The following CACNA1E variants were observed in gnomAD, a reference collection of about 807,000 sequenced individuals.
The protein encoded by CACNA1E is calcium voltage-gated channel subunit alpha1 E.
A neutral mutation model predicts 259.2 loss-of-function variants in CACNA1E; 40 were observed. The ratio of observed to expected loss-of-function variants is 0.15; its 90% confidence interval spans 0.12 to 0.20. The LOEUF (loss-of-function observed/expected upper bound fraction) is 0.20. Among genes scored for constraint, CACNA1E ranks in the 10% least tolerant of loss-of-function variants. CACNA1E has a pLI of 1.00. For missense variants in CACNA1E, 1,874 were observed against 3,040.1 expected (o/e 0.62, Z 9.02); for synonymous variants, 1,104 against 1,138.5 (o/e 0.97, Z 0.61).
chr1:181,494,175 C>T (rs1043780183), intron 1 of CACNA1E, among the ~76,000 whole-genome samples: 1 of 152,204 alleles, frequency 6.6e-6, no homozygotes, highest in African/African-American at 2.4e-5. Context: ...TTTGTTGTAT[C>T]ACATACCACA....
intron 3 of CACNA1E, among the ~76,000 whole-genome samples, chr1:181,557,308 G>A (rs1648835626): frequency 6.6e-6 from 1 of 152,192 alleles, no homozygotes; most frequent in Non-Finnish European, 1.5e-5. Flanking sequence ...GGCTGCTGTG[G>A]AGCCTCTGCG....
intron 7 of CACNA1E, among the ~76,000 whole-genome samples, chr1:181,696,701 G>A (rs1185374582): frequency 6.6e-6 from 1 of 152,160 alleles, no homozygotes; most frequent in African/African-American, 2.4e-5. Context: ...ATGTAGACAC[G>A]TGTATGCACA....
At chr1:181,409,440 C>T (rs541068933) in intron 1 of CACNA1E, among the ~76,000 whole-genome samples, 2 of 152,218 alleles carry the variant, frequency 1.3e-5, no homozygotes, top group Non-Finnish European at 2.9e-5. Flanking sequence ...TACTGTGTGC[C>T]CAAGAAGGGG....
intron 6 of CACNA1E, among the ~76,000 whole-genome samples, chr1:181,598,837 C>T (rs769174426): frequency 5.3e-5 from 8 of 152,166 alleles, no homozygotes; most frequent in Non-Finnish European, 5.9e-5. Context: ...ACTTCACGCC[C>T]TTGCCTCCTC....
At chr1:181,319,938 T>A (rs1335322038) in intron 1 of CACNA1E, among the ~76,000 whole-genome samples, 1 of 152,248 alleles carries the variant, frequency 6.6e-6, no homozygotes, top group African/African-American at 2.4e-5. Flanking sequence ...TCCAATTACA[T>A]GAGTCCCTCT....
At chr1:181,723,321 A>G (rs1654579642) in intron 16 of CACNA1E, among the ~76,000 whole-genome samples, 1 of 152,184 alleles carries the variant, frequency 6.6e-6, no homozygotes, top group Non-Finnish European at 1.5e-5. Context: ...AGCTCCCTAC[A>G]CATCTCGTTC....
At chr1:181,484,969 C>T (rs1318540446) in intron 1 of CACNA1E, among the ~76,000 whole-genome samples, 4 of 152,258 alleles carry the variant, frequency 2.6e-5, no homozygotes, top group Non-Finnish European at 5.9e-5. Context: ...TAATCAAGTG[C>T]ACCAAATGCA....
chr1:181,737,081 C>G (rs1656112961), intron 22 of CACNA1E, among the ~76,000 whole-genome samples: 1 of 152,206 alleles, frequency 6.6e-6, no homozygotes, highest in Non-Finnish European at 1.5e-5. Flanking sequence ...ACCAGAATAA[C>G]CTGGGGCTCA....
At chr1:181,443,250 G>A (rs1397872859) in intron 2 of CACNA1E, among the ~76,000 whole-genome samples, 1 of 152,234 alleles carries the variant, frequency 6.6e-6, no homozygotes, top group Non-Finnish European at 1.5e-5. Context: ...CCAGATGAAA[G>A]TAAGGTGGTG....
chr1:181,323,238 G>C (rs1020931322), intron 1 of CACNA1E, among the ~76,000 whole-genome samples: 2 of 152,156 alleles, frequency 1.3e-5, no homozygotes, highest in African/African-American at 4.8e-5. Context: ...AAAGATGCAT[G>C]GTTCTTTCTC....
At position 181,362,323 on chromosome 1, in the gene CACNA1E, C is replaced by G. The variant is rs550089741; in HGVS notation, c.-15+44200C>G. On this transcript the variant is annotated intron_variant, in intron 1 of 11. Transcript: ENST00000524607. ...GTAGGTGCAGAAATGGAAGAATGGA[C>G]TGGTATGTGTGAGTCCTTTCTGCTG... 5.9e-5 allele frequency among the ~76,000 whole-genome samples: 9 copies of G among 152,120 alleles called. No individual in the cohort carries two copies. The South Asian group carries it at 1.9e-3, about 31-fold the overall frequency.
intron 3 of CACNA1E, among the ~76,000 whole-genome samples, chr1:181,558,239 G>T (rs1648945177): frequency 6.6e-6 from 1 of 152,194 alleles, no homozygotes; most frequent in African/African-American, 2.4e-5. Flanking sequence ...GCTGGGATGA[G>T]CTTCGCCCAG....
At chr1:181,739,618 G>A (rs1352890767) in intron 25 of CACNA1E, among the ~76,000 whole-genome samples, 1 of 152,170 alleles carries the variant, frequency 6.6e-6, no homozygotes, top group Non-Finnish European at 1.5e-5. Flanking sequence ...TCTTGAGTGT[G>A]TCAATCAAGG....
At chr1:181,365,106 T>C (rs779811245) in intron 1 of CACNA1E, among the ~76,000 whole-genome samples, 2 of 152,180 alleles carry the variant, frequency 1.3e-5, no homozygotes, top group Non-Finnish European at 2.9e-5. Flanking sequence ...TCCCAGTGAG[T>C]GTGCATGACT....
intron 1 of CACNA1E, among the ~76,000 whole-genome samples, chr1:181,336,882 G>A (rs1651750095): frequency 6.6e-6 from 1 of 151,388 alleles, no homozygotes; most frequent in African/African-American, 2.4e-5. Flanking sequence ...CTTAAAGTAG[G>A]AAGTGATTTT....
rs150740651 is a variant in CACNA1E at position 181,793,773 on chromosome 1, C to T, written c.6007C>T (p.Arg2003Cys). 29 of 1,611,552 alleles carry T rather than the reference C, an allele frequency of 1.8e-5. No homozygotes were observed. The Admixed American group carries it at 2.2e-4, about 12-fold the overall frequency. ...AGSGRASSMP[R>C]LTVDPQVVTD... ...ATCTGGGAGGGCATCTTCTATGCCA[C>T]GTCTGACTGTGGATCCCCAGGTAAA... The change falls in exon 45 of 48, where the codon CGT becomes TGT. Residue 2003 changes from arginine (R) to cysteine (C), a missense_variant. Physicochemically the swap from Arg to Cys is radical, Grantham distance 180. Coordinates refer to ENST00000367573, the MANE Select transcript of CACNA1E (RefSeq NM_001205293.3).
chr1:181,434,143 C>T (rs181620155), intron 2 of CACNA1E, among the ~76,000 whole-genome samples: 1 of 152,338 alleles, frequency 6.6e-6, no homozygotes, highest in Non-Finnish European at 1.5e-5. Flanking sequence ...AATTGCTTAA[C>T]CGCTCTGGGT....
intron 7 of CACNA1E, among the ~76,000 whole-genome samples, chr1:181,707,987 G>T (rs1652960871): frequency 6.6e-6 from 1 of 152,190 alleles, no homozygotes; most frequent in African/African-American, 2.4e-5. Flanking sequence ...AGGTTGGGGT[G>T]CAGTGATGGT....
chr1:181,585,652 C>G (rs533709151), intron 6 of CACNA1E, among the ~76,000 whole-genome samples: 1 of 152,148 alleles, frequency 6.6e-6, no homozygotes. Flanking sequence ...AGATGGCATT[C>G]GAACAAAGAC....
Sources: gnomAD v4.1 joint callset for allele counts (sites outside exome capture counted in the v4.1 genomes callset) on GRCh38, gnomAD v4.1.1 for gene constraint, MANE v1.5 for transcripts, NCBI Gene and HGNC (gene_info 2026-07-23, HGNC 2026-07-21) for gene names.